The following KTN1 variants were observed in gnomAD, a reference collection of about 807,000 sequenced individuals.
KTN1 encodes kinectin 1.
A neutral mutation model predicts 222.5 loss-of-function variants in KTN1; 130 were observed. The observed-to-expected ratio is 0.58, with a 90% CI of 0.51 to 0.68. KTN1 has a LOEUF of 0.68. KTN1 is among the 30% of genes least tolerant of loss of function. KTN1 has a pLI of 0.00. For missense variants in KTN1, 1,508 were observed against 1,500.4 expected (o/e 1.01, Z -0.08); for synonymous variants, 512 against 496.3 (o/e 1.03, Z -0.42).
At chr14:55,615,797 CCCTT>C (rs1432139020) in intron 2 of KTN1, among the ~76,000 whole-genome samples, 3 of 151,296 alleles carry the variant, frequency 2.0e-5, no homozygotes, top group East Asian at 1.9e-4. Context: ...TCCTTCCCTT[CCCTT>C]CCTTCTTTTC....
At chr14:55,616,394 G>A (rs1197782306) in intron 2 of KTN1, 123 bp from the exon 3 acceptor site, 1 of 772,912 alleles carries the variant, frequency 1.3e-6, no homozygotes, top group African/African-American at 1.8e-5. Context: ...ATTGGTGAGA[G>A]CGTTATATGT....
chr14:55,675,506 A>G (rs969560391), intron 40 of KTN1: 2 of 190,396 alleles, frequency 1.1e-5, no homozygotes, highest in African/African-American at 2.3e-5. Flanking sequence ...TAAAGTATCT[A>G]TTTGGCTTTT....
intron 13 of KTN1, among the ~76,000 whole-genome samples, chr14:55,639,539 G>A (rs888340928): frequency 1.3e-5 from 2 of 151,626 alleles, no homozygotes; most frequent in African/African-American, 4.8e-5. Flanking sequence ...TAGTTTTTGT[G>A]TCTTATAAGT....
At chr14:55,635,021 A>G (rs1052267770) in intron 9 of KTN1, among the ~76,000 whole-genome samples, 3 of 152,086 alleles carry the variant, frequency 2.0e-5, no homozygotes, top group Non-Finnish European at 2.9e-5. Context: ...CGTGGAGATT[A>G]TGGGGATTAC....
At chr14:55,648,532 C>T (rs1197387999) in intron 20 of KTN1, among the ~76,000 whole-genome samples, 1 of 152,118 alleles carries the variant, frequency 6.6e-6, no homozygotes, top group Non-Finnish European at 1.5e-5. Context: ...AGTAGCTTAA[C>T]TAACAAGTTG....
intron 34 of KTN1, among the ~76,000 whole-genome samples, chr14:55,669,889 G>A (rs1299635474): frequency 6.6e-6 from 1 of 151,906 alleles, no homozygotes; most frequent in Non-Finnish European, 1.5e-5. Flanking sequence ...TTATATTATA[G>A]CAGTTAATAA....
rs2031516705 is a variant in KTN1, at chr14:55,581,252, C to T, written c.-31+898C>T. ...AGATGTGGGCAGCCCCGGACGCGGG[C>T]AGCGGCGTCCCAGCCGGCCCCAGTT... On this transcript the variant is annotated intron_variant, in intron 1 of 43. Transcript: ENST00000395314. Among the ~76,000 whole-genome samples the T allele has an allele frequency of 2.0e-5, 3 of 152,342 alleles. 1 individual carries two copies. In the South Asian group the frequency reaches 6.2e-4, roughly 32 times the overall value.
At chr14:55,603,169 T>G (rs556180525) in intron 1 of KTN1, among the ~76,000 whole-genome samples, 1 of 152,100 alleles carries the variant, frequency 6.6e-6, no homozygotes, top group Non-Finnish European at 1.5e-5. Context: ...CTGGATCATT[T>G]TTTTTTTTGT....
In KTN1 at chr14:55,637,198, A is replaced by G. The variant is rs772276434; in HGVS notation, c.1550A>G (p.Asp517Gly). ...RTAEHEAAQQ[D>G]LQSKFVAKEN... ...TGTAAAATGTAATGTTTTATTACAG[A>G]TTTACAGAGTAAATTTGTGGCCAAA... Residue 517 changes from aspartate to glycine, a missense_variant and splice_region_variant, in exon 11 of 44, where the codon GAT (aspartate) becomes GGT (glycine). Physicochemically the swap from Asp to Gly is moderately conservative, Grantham distance 94. Transcript: ENST00000395314. 3.8e-6 allele frequency: 6 copies of G among 1,595,980 alleles called. No individual in the cohort carries two copies. The highest frequency in any genetic ancestry group is 5.1e-6 in the Non-Finnish European group (6 of 1,169,154).
chr14:55,653,058 G>A lies in KTN1; in HGVS notation c.2736G>A (p.Gln912=), dbSNP rs1259123164. The A allele has an allele frequency of 1.2e-6, 2 of 1,600,702 alleles. No homozygotes were observed. Among genetic ancestry groups the A allele is most frequent in the African/African-American group, 2.7e-5 (2 of 74,578 alleles). ...EENESLKAHV[Q]EVAQHNLKEA... Reference sequence around the variant, plus strand: ...ATGAATCTTTAAAAGCACATGTTCAGGAAGTAGCACAACATAACTTGAAAG... The same window carrying A: ...ATGAATCTTTAAAAGCACATGTTCAAGAAGTAGCACAACATAACTTGAAAG... The change falls in exon 27 of 44, where the codon CAG becomes CAA. Residue 912 remains glutamine (Q), a synonymous_variant. Transcript: ENST00000395314.
intron 9 of KTN1, 105 bp downstream of exon 9, chr14:55,634,763 G>T: frequency 2.1e-6 from 2 of 938,074 alleles, no homozygotes; most frequent in East Asian, 5.8e-5. Flanking sequence ...AAATTTTTAA[G>T]GAAAGAGGTT....
intron 1 of KTN1, among the ~76,000 whole-genome samples, chr14:55,598,390 C>G (rs1382031080): frequency 6.6e-6 from 1 of 150,532 alleles, no homozygotes; most frequent in East Asian, 2.0e-4. Flanking sequence ...AGCCGAGAAC[C>G]CGCCACTGCA....
At chr14:55,594,505 T>G (rs578000681) in intron 1 of KTN1, among the ~76,000 whole-genome samples, 6 of 151,880 alleles carry the variant, frequency 4.0e-5, no homozygotes, top group East Asian at 3.9e-4. Flanking sequence ...AGAGTTTTTT[T>G]TTTTTTTTTT....
At chr14:55,627,384 A>G (rs1400986551) in intron 5 of KTN1, among the ~76,000 whole-genome samples, 1 of 152,082 alleles carries the variant, frequency 6.6e-6, no homozygotes, top group Non-Finnish European at 1.5e-5. Context: ...CATTGACCCA[A>G]GAACACTTGA....
At chr14:55,651,985 G>A (rs1330955177) in intron 25 of KTN1, 58 bp downstream of exon 25, 4 of 1,078,338 alleles carry the variant, frequency 3.7e-6, no homozygotes, top group Non-Finnish European at 4.1e-6. Flanking sequence ...TTAAATAGAA[G>A]TATAATGAAA....
chr14:55,618,709 A>G (rs937077537), intron 4 of KTN1, among the ~76,000 whole-genome samples: 7 of 152,208 alleles, frequency 4.6e-5, no homozygotes, highest in South Asian at 2.1e-4. Flanking sequence ...GATGGTTTGC[A>G]TATATTTGAT....
chr14:55,654,628 A>G (rs1296269188), intron 28 of KTN1, among the ~76,000 whole-genome samples: 1 of 152,074 alleles, frequency 6.6e-6, no homozygotes, highest in Non-Finnish European at 1.5e-5. Context: ...AAAAAGAGAA[A>G]TACCAATTCT....
intron 21 of KTN1, 130 bp from the exon 22 acceptor site, chr14:55,649,646 G>T: frequency 1.7e-6 from 1 of 601,238 alleles, no homozygotes; most frequent in South Asian, 2.1e-5. Context: ...AAAAAGTCTC[G>T]AAAGAATGCC....
chr14:55,678,357 A>G lies in KTN1; in HGVS notation c.3861A>G (p.Gln1287=), dbSNP rs746398982. 10 of 1,598,968 alleles carry G rather than the reference A, an allele frequency of 6.3e-6. No individual in the cohort carries two copies. Among genetic ancestry groups the G allele is most frequent in the South Asian group, 1.1e-5 (1 of 90,784 alleles). The change falls in exon 42 of 44, where the codon CAA becomes CAG. Residue 1287 remains glutamine, a synonymous_variant. Transcript: ENST00000395314. ...CCATATTGTTTTCCTTATAGGCTCA[A>G]CAGTCACTGGAGCTTATCCAGTCAA... is the stretch of plus-strand genomic sequence containing the variant. ...QKVAGDLHKA[Q]QSLELIQSKI... is the part of the protein sequence containing the mutation.
Sources: gnomAD v4.1 joint callset for allele counts (sites outside exome capture counted in the v4.1 genomes callset) on GRCh38, gnomAD v4.1.1 for gene constraint, MANE v1.5 for transcripts, NCBI Gene and HGNC (gene_info 2026-07-23, HGNC 2026-07-21) for gene names.